The following CFAP20DC variants were observed in gnomAD, a reference collection of about 807,000 sequenced individuals.
The protein encoded by CFAP20DC is protein CFAP20DC.
In CFAP20DC, 84 loss-of-function variants were observed where a neutral mutation model predicts 101.7. The observed-to-expected ratio is 0.83, with a 90% CI of 0.69 to 0.99. The LOEUF (loss-of-function observed/expected upper bound fraction) is 0.99. Ranked by LOEUF, CFAP20DC falls within the 50% of genes least tolerant of loss-of-function variation. The probability of loss-of-function intolerance (pLI) is 0.00; values close to 1 mark genes in which losing one functional copy is unlikely to be tolerated. For missense variants in CFAP20DC, 1,007 were observed against 970.3 expected (o/e 1.04, Z -0.50); for synonymous variants, 359 against 351.2 (o/e 1.02, Z -0.25).
intron 15 of CFAP20DC, among the ~76,000 whole-genome samples, chr3:58,780,515 A>C (rs114878304): frequency 0.011 from 1,611 of 152,192 alleles, 26 homozygotes; most frequent in African/African-American, 0.037. Flanking sequence ...GAATAAAAAA[A>C]AAGATCCAAG....
At chr3:58,873,370 A>G (rs1423389382) in intron 7 of CFAP20DC, among the ~76,000 whole-genome samples, 1 of 150,652 alleles carries the variant, frequency 6.6e-6, no homozygotes, top group Non-Finnish European at 1.5e-5. Flanking sequence ...CAGCTGTTCA[A>G]GCAGAATTCC....
intron 3 of CFAP20DC, among the ~76,000 whole-genome samples, chr3:59,041,727 C>A (rs1699404930): frequency 6.6e-6 from 1 of 152,064 alleles, no homozygotes; most frequent in Non-Finnish European, 1.5e-5. Context: ...TTTTCTCCCA[C>A]TTCAACACAC....
At chr3:58,716,394 A>G (rs1392729196), downstream of CFAP20DC, among the ~76,000 whole-genome samples, 1 of 151,222 alleles carries the variant, frequency 6.6e-6, no homozygotes, top group African/African-American at 2.4e-5. Context: ...CGATCTCCTG[A>G]CCTCATGATC....
intron 14 of CFAP20DC, among the ~76,000 whole-genome samples, chr3:58,813,679 A>C (rs969430683): frequency 3.9e-5 from 6 of 151,958 alleles, no homozygotes; most frequent in Non-Finnish European, 8.8e-5. Flanking sequence ...TCCTCTATAA[A>C]TTATCTCTTG....
At chr3:58,936,228 C>T (rs1338910696) in intron 5 of CFAP20DC, among the ~76,000 whole-genome samples, 2 of 151,958 alleles carry the variant, frequency 1.3e-5, no homozygotes, top group Non-Finnish European at 2.9e-5. Context: ...AATGAGATAC[C>T]ATCTCACACC....
chr3:58,741,767 T>A (rs577032122), downstream of CFAP20DC, among the ~76,000 whole-genome samples: 5 of 152,108 alleles, frequency 3.3e-5, no homozygotes, highest in Non-Finnish European at 7.4e-5. Flanking sequence ...AGATTTTTTT[T>A]TTTAAAAGAA....
chr3:58,878,633 A>G (rs372043601), intron 7 of CFAP20DC, among the ~76,000 whole-genome samples: 146 of 152,264 alleles, frequency 9.6e-4, no homozygotes, highest in African/African-American at 3.3e-3. Context: ...AAGGCAAGAG[A>G]AGAAGAGAAG....
intron 4 of CFAP20DC, among the ~76,000 whole-genome samples, chr3:59,004,538 G>A (rs2093388275): frequency 1.3e-5 from 2 of 152,004 alleles, no homozygotes; most frequent in South Asian, 4.1e-4. Flanking sequence ...AGAGGCCCAC[G>A]TTCCAAATCT....
At chr3:58,981,184 C>G (rs1249269944) in intron 4 of CFAP20DC, among the ~76,000 whole-genome samples, 3 of 152,116 alleles carry the variant, frequency 2.0e-5, no homozygotes, top group African/African-American at 7.2e-5. Context: ...GAACTACAAA[C>G]CACTGCTCAA....
intron 6 of CFAP20DC, among the ~76,000 whole-genome samples, chr3:58,907,292 CA>C (rs1388336055): frequency 6.6e-6 from 1 of 152,084 alleles, no homozygotes; most frequent in Non-Finnish European, 1.5e-5. Flanking sequence ...AGAACCTCAC[CA>C]AATGGCTCTC....
chr3:58,979,916 G>A (rs7649773), intron 4 of CFAP20DC, among the ~76,000 whole-genome samples: 14,261 of 151,426 alleles, frequency 0.094, 2,236 homozygotes, highest in African/African-American at 0.33. Flanking sequence ...AATAGGTTTC[G>A]TCTTAAGTTC....
intron 4 of CFAP20DC, among the ~76,000 whole-genome samples, chr3:58,943,605 G>A (rs145381299): frequency 9.9e-4 from 151 of 152,218 alleles, no homozygotes; most frequent in African/African-American, 3.4e-3. Context: ...ATAAATCCGC[G>A]AAGATGAGGA....
intron 4 of CFAP20DC, among the ~76,000 whole-genome samples, chr3:59,025,530 T>C (rs905292711): frequency 6.6e-6 from 1 of 152,180 alleles, no homozygotes; most frequent in African/African-American, 2.4e-5. Flanking sequence ...ACTGTGCACT[T>C]AGAATTTGGC....
In CFAP20DC at chr3:58,795,932, T is replaced by C. The variant is rs1399525509; in HGVS notation, c.2237+10463A>G. On this transcript the variant is annotated intron_variant, in intron 15 of 16. Transcript: ENST00000482387. The surrounding 1 kb of genome is among the most constrained non-coding windows in gnomAD (Gnocchi z 4.2). ...CCTGGTCAGAGAGGAGGCAGGTGTC[T>C]CAACTAAGGAAACTGGAGGGTGGGG... 6.6e-6 allele frequency among the ~76,000 whole-genome samples: 1 copy of C among 152,102 alleles called. No individual in the cohort carries two copies. The highest frequency in any genetic ancestry group is 1.9e-4 in the East Asian group (1 of 5,200).
At chr3:58,818,702 A>G (rs1467619956) in intron 14 of CFAP20DC, among the ~76,000 whole-genome samples, 2 of 123,652 alleles carry the variant, frequency 1.6e-5, no homozygotes, top group East Asian at 2.5e-4. Flanking sequence ...GGAGACTTTA[A>G]CACCCCACTG....
chr3:58,921,182 T>C (rs1448655810), intron 5 of CFAP20DC, among the ~76,000 whole-genome samples: 1 of 152,120 alleles, frequency 6.6e-6, no homozygotes, highest in African/African-American at 2.4e-5. Flanking sequence ...TCACTTTTAT[T>C]AATCATTTCA....
Position 58,753,781 on chromosome 3 carries a change from A to T in CFAP20DC, c.2320T>A (p.Leu774Met), listed in dbSNP as rs373486511. 3 of 1,611,140 alleles carry T rather than the reference A, an allele frequency of 1.9e-6. No individual in the cohort carries two copies. Among genetic ancestry groups the T allele is most frequent in the African/African-American group, 1.3e-5 (1 of 74,804 alleles). Reference sequence around the variant, plus strand: ...TTCATAGTCCCACCTTGAACACTCAAACTTTCACAGGAATCTGGACGCTGC... The same window carrying T: ...TTCATAGTCCCACCTTGAACACTCATACTTTCACAGGAATCTGGACGCTGC... ...AEQRPDSCES[L>M]SVQGEEDLSV... is the part of the protein sequence containing the mutation. Residue 774 changes from leucine to methionine, a missense_variant, in exon 16 of 17, where the codon TTG becomes ATG. Physicochemically the swap from Leu to Met is conservative, Grantham distance 15 (BLOSUM62 2). Transcript: ENST00000482387.
intron 5 of CFAP20DC, among the ~76,000 whole-genome samples, chr3:58,929,421 C>T (rs188073505): frequency 1.3e-4 from 20 of 152,246 alleles, no homozygotes; most frequent in African/African-American, 4.6e-4. Flanking sequence ...CTCTTAGAAA[C>T]CACCTAACAC....
intron 6 of CFAP20DC, among the ~76,000 whole-genome samples, chr3:58,887,772 T>C (rs2081778264): frequency 6.6e-6 from 1 of 152,206 alleles, no homozygotes; most frequent in South Asian, 2.1e-4. Context: ...GTTTCACCAC[T>C]TACTGGATTA....
Sources: gnomAD v4.1 joint callset for allele counts (sites outside exome capture counted in the v4.1 genomes callset) on GRCh38, gnomAD v4.1.1 for gene constraint, Gnocchi (gnomAD v3.1) non-coding constraint, MANE v1.5 for transcripts, NCBI Gene and HGNC (gene_info 2026-07-23, HGNC 2026-07-21) for gene names.